The following SPTLC1 variants were observed in gnomAD, a reference collection of about 807,000 sequenced individuals.
SPTLC1 encodes serine palmitoyltransferase long chain base subunit 1, also known as serine palmitoyltransferase 1.
In SPTLC1, 55 loss-of-function variants were observed where a neutral mutation model predicts 68.9. That is an observed-to-expected ratio of 0.80 (90% confidence interval 0.64 to 1.00). SPTLC1 has a LOEUF of 1.00. Among genes scored for constraint, SPTLC1 ranks in the 50% least tolerant of loss-of-function variants. The pLI is 0.00. For synonymous variants in SPTLC1, 197 were observed against 201.6 expected, an observed-to-expected ratio of 0.98 and a Z score of 0.19; for missense variants, 449 against 573.1, an observed-to-expected ratio of 0.78 and a Z score of 2.21.
intron 5 of SPTLC1, among the ~76,000 whole-genome samples, chr9:92,071,349 A>C (rs1368287453): frequency 6.6e-6 from 1 of 152,154 alleles, no homozygotes; most frequent in Non-Finnish European, 1.5e-5. Context: ...GCAGTGAGCC[A>C]AGATCACGCC....
intron 11 of SPTLC1, among the ~76,000 whole-genome samples, chr9:92,046,703 T>G (rs998297990): frequency 6.6e-6 from 1 of 152,214 alleles, no homozygotes; most frequent in African/African-American, 2.4e-5. Context: ...TTTTTCCCAC[T>G]GAGTAAGTTC....
intron 3 of SPTLC1, among the ~76,000 whole-genome samples, chr9:92,100,019 C>T (rs1181752223): frequency 6.6e-6 from 1 of 150,968 alleles, no homozygotes; most frequent in African/African-American, 2.4e-5. Flanking sequence ...TTTCTCAGAA[C>T]GTATCTACGT....
intron 12 of SPTLC1, among the ~76,000 whole-genome samples, chr9:92,043,433 C>T (rs899374995): frequency 6.6e-6 from 1 of 152,226 alleles, no homozygotes; most frequent in Non-Finnish European, 1.5e-5. Flanking sequence ...TATCCAGCTG[C>T]TGCTCTGCAC....
chr9:92,062,781 A>G (rs1268915381), intron 6 of SPTLC1, among the ~76,000 whole-genome samples: 3 of 152,174 alleles, frequency 2.0e-5, no homozygotes, highest in Admixed American at 6.6e-5. Context: ...GGCCAACCAG[A>G]GCAAAATAAT....
intron 5 of SPTLC1, 84 bp from the exon 6 acceptor site, chr9:92,068,182 G>GT (rs1174653281): frequency 1.5e-6 from 2 of 1,372,898 alleles, no homozygotes; most frequent in African/African-American, 2.9e-5. Flanking sequence ...AACACAAGCA[G>GT]TATAATTATC....
chr9:92,109,758 A>T (rs556942534), intron 2 of SPTLC1: 1 of 152,418 alleles, frequency 6.6e-6, no homozygotes, highest in African/African-American at 2.4e-5. Context: ...ACATCACCTG[A>T]GGTCGGGAGT....
intron 3 of SPTLC1, 137 bp downstream of exon 3, chr9:92,108,603 G>A: frequency 1.7e-6 from 2 of 1,207,504 alleles, no homozygotes; most frequent in East Asian, 2.5e-5. Context: ...AAAATCAGGA[G>A]CTAAAGCTGT....
chr9:92,045,151 C>T (rs764656955), intron 12 of SPTLC1, among the ~76,000 whole-genome samples: 2 of 152,146 alleles, frequency 1.3e-5, no homozygotes, highest in Non-Finnish European at 2.9e-5. Context: ...TTATCTGGAA[C>T]AGCTGTGATG....
intron 5 of SPTLC1, among the ~76,000 whole-genome samples, chr9:92,070,994 A>C (rs1834461625): frequency 6.6e-6 from 1 of 152,022 alleles, no homozygotes; most frequent in Non-Finnish European, 1.5e-5. Context: ...TGTTTTCCAG[A>C]GAGAACACCA....
At chr9:92,036,257 A>G (rs1273602519) in intron 13 of SPTLC1, among the ~76,000 whole-genome samples, 1 of 152,230 alleles carries the variant, frequency 6.6e-6, no homozygotes, top group African/African-American at 2.4e-5. Context: ...AACCAGGCCC[A>G]CAGACAGGAG....
chr9:92,082,702 G>A (rs1282380447), intron 3 of SPTLC1, among the ~76,000 whole-genome samples: 7 of 152,126 alleles, frequency 4.6e-5, no homozygotes, highest in Admixed American at 1.3e-4. Flanking sequence ...ATAAACATAC[G>A]TGTGCATGTG....
intron 3 of SPTLC1, chr9:92,105,587 C>A (rs1433751738): frequency 1.9e-6 from 1 of 524,420 alleles, no homozygotes; most frequent in East Asian, 3.4e-5. Flanking sequence ...AAGTGAGGAG[C>A]GCCTCTGCCC....
At chr9:92,105,986 G>C (rs1282583981) in intron 3 of SPTLC1, among the ~76,000 whole-genome samples, 1 of 150,850 alleles carries the variant, frequency 6.6e-6, no homozygotes, top group African/African-American at 2.4e-5. Context: ...GAAGTGAGGA[G>C]CACTTCTGCC....
Position 92,115,360 on chromosome 9 carries a change from G to C in SPTLC1, c.11C>G (p.Ala4Gly). 2 of 1,613,068 alleles carry C rather than the reference G, an allele frequency of 1.2e-6. No homozygotes were observed. Among genetic ancestry groups the C allele is most frequent in the Non-Finnish European group, 1.7e-6 (2 of 1,179,986 alleles). MAT[A>G]TEQWVLVEMV... is the part of the protein sequence containing the mutation. ...CTCCACCAGAACCCACTGCTCCGTGGCGGTCGCCATAGTTAGCCGCTTCCT... is the reference window on the plus strand; with the variant it reads ...CTCCACCAGAACCCACTGCTCCGTGCCGGTCGCCATAGTTAGCCGCTTCCT... Residue 4 changes from alanine to glycine, a missense_variant, in exon 1 of 15, where the codon GCC (alanine) becomes GGC (glycine). By Grantham distance (60) the Ala-to-Gly change is moderately conservative (BLOSUM62 0). Around this residue, in one of 3 missense-constraint regions of SPTLC1, gnomAD observed 46 missense variants for 57.8 expected, o/e 0.80. Coordinates refer to ENST00000262554, the MANE Select transcript of SPTLC1 (RefSeq NM_006415.4).
chr9:92,066,492 G>T (rs549263822), intron 6 of SPTLC1, among the ~76,000 whole-genome samples: 3 of 152,118 alleles, frequency 2.0e-5, no homozygotes, highest in East Asian at 3.9e-4. Context: ...GAGCATGTGC[G>T]TGGGCCCCAA....
intron 5 of SPTLC1, among the ~76,000 whole-genome samples, chr9:92,075,276 C>A (rs554692596): frequency 6.6e-6 from 1 of 152,270 alleles, no homozygotes; most frequent in African/African-American, 2.4e-5. Flanking sequence ...CAATCCCCAC[C>A]ACCAAACAAC....
At chr9:92,115,130 C>T in intron 1 of SPTLC1, 184 bp downstream of exon 1, 1 of 615,014 alleles carries the variant, frequency 1.6e-6, no homozygotes, top group Non-Finnish European at 2.9e-6. Flanking sequence ...CCCGCCCCCG[C>T]CCGTTCCTCC....
chr9:92,104,288 C>A (rs1288073599), intron 3 of SPTLC1: 12 of 1,367,040 alleles, frequency 8.8e-6, no homozygotes, highest in Non-Finnish European at 1.1e-5. Flanking sequence ...GTCCGTGAGG[C>A]CTTCCCAGCT....
chr9:92,096,029 G>T (rs1465136201), intron 3 of SPTLC1, among the ~76,000 whole-genome samples: 1 of 152,146 alleles, frequency 6.6e-6, no homozygotes, highest in Non-Finnish European at 1.5e-5. Flanking sequence ...TGAAGGCAGG[G>T]GTGCCGTTCT....
Sources: gnomAD v4.1 joint callset for allele counts (sites outside exome capture counted in the v4.1 genomes callset) on GRCh38, gnomAD v4.1.1 for gene constraint, gnomAD v4.1.1 regional missense constraint, MANE v1.5 for transcripts, NCBI Gene and HGNC (gene_info 2026-07-23, HGNC 2026-07-21) for gene names.